The following PHF20 variants were observed in gnomAD, a reference collection of about 807,000 sequenced individuals.
PHF20 encodes the protein glioma-expressed antigen 2.
PHF20 carries 23 observed loss-of-function variants against 113.5 expected under a neutral mutation model. That is an observed-to-expected ratio of 0.20 (90% confidence interval 0.15 to 0.29). PHF20 has a LOEUF of 0.29. Ranked by LOEUF, PHF20 falls within the 10% of genes least tolerant of loss-of-function variation. The pLI, the probability that PHF20 is intolerant of heterozygous loss-of-function variation, is 1.00. For synonymous variants in PHF20, 434 were observed against 457.3 expected, an observed-to-expected ratio of 0.95 and a Z score of 0.65; for missense variants, 943 against 1,219.6, an observed-to-expected ratio of 0.77 and a Z score of 3.38.
chr20:35,909,331 G>A (rs1202679918), intron 10 of PHF20, among the ~76,000 whole-genome samples: 1 of 151,842 alleles, frequency 6.6e-6, no homozygotes, highest in Non-Finnish European at 1.5e-5. Context: ...GACAGGGGGT[G>A]TTATCTGTCT....
intron 13 of PHF20, among the ~76,000 whole-genome samples, chr20:35,926,121 CAAA>C (rs527440244): frequency 8.9e-4 from 64 of 72,314 alleles, no homozygotes; most frequent in African/African-American, 2.0e-3. Flanking sequence ...GACTCCATCT[CAAA>C]AAAAAAAAAA....
intron 3 of PHF20, 139 bp from the exon 4 acceptor site, chr20:35,847,211 T>C (rs751517841): frequency 7.7e-5 from 45 of 585,782 alleles, no homozygotes; most frequent in Non-Finnish European, 1.1e-4. Context: ...AACAGAAATA[T>C]CTTCCTCCAT....
chr20:35,871,834 A>C lies in PHF20; in HGVS notation c.1282+5A>C, dbSNP rs1423551026. ...AAGAGATTTCGACTGTGGAAGGTTC[A>C]TATTTAGAGTTAAATTAATCCTCTT... On this transcript the variant is annotated splice_donor_5th_base_variant and intron_variant, in intron 9 of 17. Coordinates refer to ENST00000374012, the MANE Select transcript of PHF20 (RefSeq NM_016436.5). The C allele has an allele frequency of 6.3e-7, 1 of 1,588,548 alleles. No homozygotes were observed. Among genetic ancestry groups the C allele is most frequent in the Non-Finnish European group, 8.6e-7 (1 of 1,165,206 alleles).
chr20:35,842,449 G>A (rs1211465894), intron 2 of PHF20, 124 bp from the exon 3 acceptor site: 1 of 794,388 alleles, frequency 1.3e-6, no homozygotes, highest in Admixed American at 2.5e-5. Flanking sequence ...ACTACACAGA[G>A]TCTCTAAACG....
At chr20:35,913,760 A>G (rs1200204908) in intron 11 of PHF20, among the ~76,000 whole-genome samples, 2 of 152,222 alleles carry the variant, frequency 1.3e-5, no homozygotes, top group Non-Finnish European at 2.9e-5. Flanking sequence ...AAAAATCTAT[A>G]TATTCTGACT....
intron 9 of PHF20, among the ~76,000 whole-genome samples, chr20:35,898,219 T>C (rs2055027143): frequency 1.3e-5 from 2 of 152,180 alleles, no homozygotes; most frequent in South Asian, 2.1e-4. Flanking sequence ...TAAAACAAAG[T>C]ACGTGTTGAA....
intron 9 of PHF20, among the ~76,000 whole-genome samples, chr20:35,881,220 A>G (rs1014085781): frequency 6.6e-6 from 1 of 151,098 alleles, no homozygotes; most frequent in African/African-American, 2.4e-5. Flanking sequence ...ACCATGCCCG[A>G]CTAATTTTTG....
At chr20:35,808,411 A>ATCAT (rs1398225286) in intron 2 of PHF20, among the ~76,000 whole-genome samples, 1 of 151,764 alleles carries the variant, frequency 6.6e-6, no homozygotes, top group East Asian at 1.9e-4. Flanking sequence ...TTATCATAGG[A>ATCAT]TCATAGTAGA....
intron 5 of PHF20, among the ~76,000 whole-genome samples, chr20:35,859,490 T>A (rs993526614): frequency 1.3e-5 from 2 of 152,044 alleles, no homozygotes; most frequent in African/African-American, 4.8e-5. Context: ...TCTGCTTGGA[T>A]AGTAGTTGAT....
intron 17 of PHF20, among the ~76,000 whole-genome samples, chr20:35,941,446 T>C (rs2055977915): frequency 6.6e-6 from 1 of 152,222 alleles, no homozygotes. Flanking sequence ...ATTCCAATCT[T>C]TGATAAAATC....
intron 4 of PHF20, chr20:35,855,119 T>C (rs964782888): frequency 1.9e-5 from 4 of 214,062 alleles, no homozygotes; most frequent in East Asian, 1.6e-4. Context: ...TCAAGATAAC[T>C]GGAGTCTTAA....
At chr20:35,802,837 G>A (rs564048150) in intron 2 of PHF20, among the ~76,000 whole-genome samples, 1 of 151,602 alleles carries the variant, frequency 6.6e-6, no homozygotes, top group African/African-American at 2.4e-5. Context: ...TTCTCGGGAG[G>A]CTGAGCCAGG....
At chr20:35,836,640 C>T (rs912486323) in intron 2 of PHF20, among the ~76,000 whole-genome samples, 1 of 151,476 alleles carries the variant, frequency 6.6e-6, no homozygotes, top group Non-Finnish European at 1.5e-5. Context: ...GTCAGGAGAT[C>T]GAGACCATCC....
rs529729352 is a variant in PHF20, at chr20:35,817,282, G to A, written c.83+15677G>A. ...GCTCACTGCAATCTCCGCCTCCTGG[G>A]TTCAAGAGATTCTCTTGCCTCAGCC... On this transcript the variant is annotated intron_variant, in intron 2 of 17. Transcript: ENST00000374012. Among the ~76,000 whole-genome samples the A allele has an allele frequency of 3.7e-3, 561 of 152,076 alleles. 4 individuals are homozygous for A. Among genetic ancestry groups the A allele is most frequent in the Non-Finnish European group, 6.8e-3 (460 of 67,990 alleles).
chr20:35,783,571 C>T (rs1043903975), intron 1 of PHF20, among the ~76,000 whole-genome samples: 8 of 151,598 alleles, frequency 5.3e-5, no homozygotes, highest in African/African-American at 1.2e-4. Flanking sequence ...TGTATGCCAC[C>T]GCGCTTGGCT....
chr20:35,836,760 C>T (rs1029759887), intron 2 of PHF20, among the ~76,000 whole-genome samples: 5 of 149,216 alleles, frequency 3.4e-5, no homozygotes, highest in East Asian at 4.0e-4. Context: ...GGGAGAATGG[C>T]GTGAACCCCC....
At chr20:35,911,269 C>T (rs1464758867) in intron 10 of PHF20, among the ~76,000 whole-genome samples, 1 of 151,840 alleles carries the variant, frequency 6.6e-6, no homozygotes, top group Non-Finnish European at 1.5e-5. Context: ...GTCTCAATCT[C>T]CTGACCTCGT....
At chr20:35,847,291 G>A in intron 3 of PHF20, 59 bp from the exon 4 acceptor site, 2 of 1,148,862 alleles carry the variant, frequency 1.7e-6, no homozygotes, top group Non-Finnish European at 2.6e-6. Context: ...GGTATGTCCT[G>A]TATGTCCTGT....
At chr20:35,793,159 T>C (rs1286664875) in intron 1 of PHF20, among the ~76,000 whole-genome samples, 2 of 152,134 alleles carry the variant, frequency 1.3e-5, no homozygotes, top group Non-Finnish European at 2.9e-5. Flanking sequence ...AGGTTCAAGC[T>C]GTGTGTGGGG....
Sources: gnomAD v4.1 joint callset for allele counts (sites outside exome capture counted in the v4.1 genomes callset) on GRCh38, gnomAD v4.1.1 for gene constraint, MANE v1.5 for transcripts, NCBI Gene and HGNC (gene_info 2026-07-23, HGNC 2026-07-21) for gene names.